CSMD1: variants seen among roughly 807,000 people sequenced by gnomAD.
CSMD1 encodes the protein CUB and sushi domain-containing protein 1.
A neutral mutation model predicts 417.5 loss-of-function variants in CSMD1; 213 were observed. The observed-to-expected ratio is 0.51, with a 90% CI of 0.46 to 0.57. The LOEUF (loss-of-function observed/expected upper bound fraction) is 0.57. Among genes scored for constraint, CSMD1 ranks in the 20% least tolerant of loss-of-function variants. The probability of loss-of-function intolerance (pLI) is 0.00; values close to 1 mark genes in which losing one functional copy is unlikely to be tolerated. For synonymous variants in CSMD1, 2,862 were observed against 1,736.8 expected, an observed-to-expected ratio of 1.65 and a Z score of -16.11; for missense variants, 6,923 against 4,529.7, an observed-to-expected ratio of 1.53 and a Z score of -15.17.
chr8:4,805,886 C>G (rs185660916), intron 1 of CSMD1, among the ~76,000 whole-genome samples: 238 of 152,244 alleles, frequency 1.6e-3, no homozygotes, highest in Non-Finnish European at 2.9e-3. Context: ...GTGAACGTAA[C>G]CATTCATGGT....
At chr8:3,909,026 T>A (rs1369210142) in intron 5 of CSMD1, among the ~76,000 whole-genome samples, 1 of 152,226 alleles carries the variant, frequency 6.6e-6, no homozygotes, top group Admixed American at 6.5e-5. Context: ...TGCCTTTCTT[T>A]TTCACATTGT....
At chr8:4,682,785 C>G (rs756793011) in intron 1 of CSMD1, among the ~76,000 whole-genome samples, 8 of 150,960 alleles carry the variant, frequency 5.3e-5, no homozygotes, top group Non-Finnish European at 1.0e-4. Context: ...TAAGTATATA[C>G]GAAGCAACAT....
At chr8:4,245,537 G>A (rs980035632) in intron 3 of CSMD1, among the ~76,000 whole-genome samples, 8 of 152,264 alleles carry the variant, frequency 5.3e-5, no homozygotes, top group African/African-American at 1.7e-4. Flanking sequence ...TCTCCATGCT[G>A]GGATGCTAAA....
At chr8:4,907,805 A>G (rs4875406) in intron 1 of CSMD1, among the ~76,000 whole-genome samples, 5,951 of 151,852 alleles carry the variant, frequency 0.039, 147 homozygotes, top group South Asian at 0.052. Context: ...GGCTCAAGCA[A>G]TCCTCTTTCC....
chr8:3,508,776 G>A lies in CSMD1; in HGVS notation c.1345-15050C>T, dbSNP rs79514678. On this transcript the variant is annotated intron_variant, in intron 10 of 69. Coordinates refer to ENST00000635120, the MANE Select transcript of CSMD1 (RefSeq NM_033225.6). ...ATTTAGACCGAATAGAGGACAGAAC[G>A]CCTCCGTAATGCTCCACCACCTACG... is the stretch of plus-strand genomic sequence containing the variant. Among the ~76,000 whole-genome samples the A allele has an allele frequency of 1.1e-4, 17 of 152,068 alleles. No homozygotes were observed. In the East Asian group the frequency reaches 2.1e-3, roughly 19 times the overall value.
chr8:4,420,305 T>C (rs1293214119), intron 2 of CSMD1, among the ~76,000 whole-genome samples: 1 of 152,150 alleles, frequency 6.6e-6, no homozygotes. Context: ...AAATACTTAC[T>C]TATATAATAT....
intron 37 of CSMD1, among the ~76,000 whole-genome samples, chr8:3,170,141 G>A (rs947439065): frequency 1.3e-5 from 2 of 152,196 alleles, no homozygotes; most frequent in African/African-American, 4.8e-5. Flanking sequence ...AAGTAAATTT[G>A]CTTTGCTGAG....
At position 4,431,925 on chromosome 8, in the gene CSMD1, G is replaced by C. The variant is rs1005298760; in HGVS notation, c.303-11860C>G. 2.0e-5 allele frequency among the ~76,000 whole-genome samples: 3 copies of C among 151,950 alleles called. No homozygotes were observed. The East Asian group carries it at 5.8e-4, about 29-fold the overall frequency. Reference sequence around the variant, plus strand: ...TGATATGTAACAATTGGGTAAATGGGAATTACTTCAAATAAACACAGTATT... The same window carrying C: ...TGATATGTAACAATTGGGTAAATGGCAATTACTTCAAATAAACACAGTATT... On this transcript the variant is annotated intron_variant, in intron 2 of 69. Transcript: ENST00000635120.
At chr8:4,440,626 T>C (rs1357245782) in intron 2 of CSMD1, among the ~76,000 whole-genome samples, 1 of 152,196 alleles carries the variant, frequency 6.6e-6, no homozygotes, top group Non-Finnish European at 1.5e-5. Flanking sequence ...TACCATGCAA[T>C]GATAGGGAAG....
At chr8:4,763,611 T>A (rs1434845401) in intron 1 of CSMD1, among the ~76,000 whole-genome samples, 1 of 152,202 alleles carries the variant, frequency 6.6e-6, no homozygotes, top group Non-Finnish European at 1.5e-5. Flanking sequence ...CTCCACTCTT[T>A]GACCTCATTT....
intron 12 of CSMD1, among the ~76,000 whole-genome samples, chr8:3,441,508 TATAC>T (rs1398095192): frequency 3.7e-5 from 4 of 108,960 alleles, no homozygotes; most frequent in Admixed American, 3.1e-4. Flanking sequence ...TATATATATA[TATAC>T]ACACACACAC....
At chr8:3,182,028 G>C (rs993760489) in intron 36 of CSMD1, among the ~76,000 whole-genome samples, 1 of 152,128 alleles carries the variant, frequency 6.6e-6, no homozygotes, top group African/African-American at 2.4e-5. Context: ...TCTCTAAATT[G>C]GAAGTGTAGA....
rs150163596 is a variant in CSMD1 at position 3,983,046 on chromosome 8, A to G, written c.818+14857T>C. ...GGATAAATCATGGGGCCGGGATCCCAATCCAAGTTGGCTGACTCTTTTCCC... is the reference window on the plus strand; with the variant it reads ...GGATAAATCATGGGGCCGGGATCCCGATCCAAGTTGGCTGACTCTTTTCCC... On this transcript the variant is annotated intron_variant, in intron 5 of 69. Transcript: ENST00000635120. Among the ~76,000 whole-genome samples the G allele has an allele frequency of 6.1e-3, 924 of 152,138 alleles. 13 individuals carry two copies. The highest frequency in any genetic ancestry group is 0.021 in the African/African-American group (891 of 41,506).
intron 1 of CSMD1, among the ~76,000 whole-genome samples, chr8:4,857,792 A>T (rs1194617666): frequency 6.6e-6 from 1 of 152,040 alleles, no homozygotes; most frequent in Admixed American, 6.5e-5. Context: ...AACCAAAAAG[A>T]GTCCAGGACC....
intron 8 of CSMD1, among the ~76,000 whole-genome samples, chr8:3,599,681 C>G (rs2117071836): frequency 6.6e-6 from 1 of 152,296 alleles, no homozygotes; most frequent in African/African-American, 2.4e-5. Context: ...TTAACAACAT[C>G]TCCATTTTCC....
chr8:3,615,892 C>G (rs576334969), intron 8 of CSMD1, among the ~76,000 whole-genome samples: 14 of 152,208 alleles, frequency 9.2e-5, no homozygotes, highest in Admixed American at 2.6e-4. Flanking sequence ...ATTTCTTGAA[C>G]TCACTGAAAT....
At chr8:4,845,642 T>C (rs550068936) in intron 1 of CSMD1, among the ~76,000 whole-genome samples, 33 of 152,244 alleles carry the variant, frequency 2.2e-4, no homozygotes, top group African/African-American at 7.2e-4. Flanking sequence ...CATTCAGTGT[T>C]GAAGAAGCAC....
At chr8:4,158,967 G>A (rs766047094) in intron 3 of CSMD1, among the ~76,000 whole-genome samples, 4 of 152,140 alleles carry the variant, frequency 2.6e-5, no homozygotes, top group South Asian at 2.1e-4. Flanking sequence ...CCAGGTTGGA[G>A]TGCAGTGGCA....
chr8:3,538,995 T>A (rs114823074), intron 10 of CSMD1, among the ~76,000 whole-genome samples: 1,813 of 152,282 alleles, frequency 0.012, 34 homozygotes, highest in East Asian at 0.052. Flanking sequence ...CAGCATCTCA[T>A]TGAAGTGAAA....
Sources: gnomAD v4.1 joint callset for allele counts (sites outside exome capture counted in the v4.1 genomes callset) on GRCh38, gnomAD v4.1.1 for gene constraint, MANE v1.5 for transcripts, NCBI Gene and HGNC (gene_info 2026-07-23, HGNC 2026-07-21) for gene names.